FSHR: variants seen among roughly 807,000 people sequenced by gnomAD.
FSHR encodes the protein follicle-stimulating hormone receptor.
FSHR carries 46 observed loss-of-function variants against 52.1 expected under a neutral mutation model. That is an observed-to-expected ratio of 0.88 (90% confidence interval 0.70 to 1.13). The LOEUF is 1.13. FSHR is among the 50% of genes most tolerant of loss of function. FSHR has a pLI of 0.00. For missense variants in FSHR, 964 were observed against 834.6 expected, an observed-to-expected ratio of 1.16 and a Z score of -1.91; for synonymous variants, 399 against 309.6, an observed-to-expected ratio of 1.29 and a Z score of -3.03.
At chr2:49,034,159 G>T in intron 2 of FSHR, among the ~76,000 whole-genome samples, 1 of 152,192 alleles carries the variant, frequency 6.6e-6, no homozygotes, top group East Asian at 1.9e-4. Flanking sequence ...TACAGTGATT[G>T]ACTTTCTGCC....
At chr2:48,992,076 G>A (rs13032037) in intron 4 of FSHR, among the ~76,000 whole-genome samples, 83,628 of 151,494 alleles carry the variant, frequency 0.55, 24,610 homozygotes, top group Non-Finnish European at 0.66. Context: ...GCTGTCTTGG[G>A]CAATTCTCTT....
intron 1 of FSHR, among the ~76,000 whole-genome samples, chr2:49,119,593 T>G (rs987312201): frequency 5.9e-5 from 9 of 152,196 alleles, no homozygotes; most frequent in Non-Finnish European, 1.0e-4. Flanking sequence ...AAATCTGTTA[T>G]CACTGAATTA....
chr2:49,012,565 G>T (rs1279242300), intron 4 of FSHR, among the ~76,000 whole-genome samples: 1 of 152,058 alleles, frequency 6.6e-6, no homozygotes, highest in African/African-American at 2.4e-5. Context: ...TTAAGTACCC[G>T]TATGCAGAAA....
intron 4 of FSHR, among the ~76,000 whole-genome samples, chr2:49,007,984 G>C (rs1667127941): frequency 6.6e-6 from 1 of 151,496 alleles, no homozygotes; most frequent in East Asian, 1.9e-4. Context: ...TAATAAGAAT[G>C]GATAACATTT....
At chr2:49,115,336 G>T (rs1211494500) in intron 1 of FSHR, among the ~76,000 whole-genome samples, 1 of 151,990 alleles carries the variant, frequency 6.6e-6, no homozygotes, top group Non-Finnish European at 1.5e-5. Flanking sequence ...TCACACCAAG[G>T]TCAAGGTCAT....
intron 1 of FSHR, among the ~76,000 whole-genome samples, chr2:49,085,283 C>A (rs938880616): frequency 6.6e-6 from 1 of 152,214 alleles, no homozygotes; most frequent in Non-Finnish European, 1.5e-5. Context: ...AGGCCTTTGA[C>A]AAAATTCAAC....
chr2:49,048,110 T>C (rs1486725417), intron 2 of FSHR, among the ~76,000 whole-genome samples: 3 of 152,082 alleles, frequency 2.0e-5, no homozygotes, highest in African/African-American at 7.2e-5. Context: ...GGTCTCAAAC[T>C]CCTGACCTCA....
intron 2 of FSHR, among the ~76,000 whole-genome samples, chr2:49,027,484 G>A (rs1379345978): frequency 1.3e-5 from 2 of 152,194 alleles, no homozygotes; most frequent in Non-Finnish European, 2.9e-5. Flanking sequence ...GGTGCAGCTA[G>A]TCTTTGTGCT....
chr2:48,963,123 A>G lies in FSHR; in HGVS notation c.1698T>C (p.Ser566=), dbSNP rs1050610586. 5 of 1,613,994 alleles carry G rather than the reference A, an allele frequency of 3.1e-6. No individual in the cohort carries two copies. Among genetic ancestry groups the G allele is most frequent in the Non-Finnish European group, 4.2e-6 (5 of 1,180,022 alleles). The change falls in exon 10 of 10, where the codon AGT becomes AGC. Residue 566 remains serine (S), a synonymous_variant. Coordinates refer to ENST00000406846, the MANE Select transcript of FSHR (RefSeq NM_000145.4). ...VRNPNIVSSS[S]DTRIAKRMAM... is the part of the protein sequence containing the mutation. ...CCATGCGCTTGGCGATCCTGGTGTC[A>G]CTAGAGGAGGACACGATGTTGGGGT...
At chr2:49,009,634 C>T (rs1455322320) in intron 4 of FSHR, among the ~76,000 whole-genome samples, 5 of 149,512 alleles carry the variant, frequency 3.3e-5, no homozygotes, top group Non-Finnish European at 4.4e-5. Context: ...GCCATTTTCA[C>T]GATATTGATT....
chr2:49,014,016 G>C (rs1667393789), intron 4 of FSHR, among the ~76,000 whole-genome samples: 1 of 152,062 alleles, frequency 6.6e-6, no homozygotes, highest in South Asian at 2.1e-4. Flanking sequence ...ATGGCTGTCT[G>C]TAACCCAGGA....
intron 4 of FSHR, among the ~76,000 whole-genome samples, chr2:48,996,133 T>C (rs180994893): frequency 1.3e-5 from 2 of 152,298 alleles, no homozygotes; most frequent in Admixed American, 6.5e-5. Context: ...TTTCCTATGA[T>C]ATAGGATTTG....
intron 9 of FSHR, among the ~76,000 whole-genome samples, chr2:48,965,357 A>G (rs1389753440): frequency 6.6e-6 from 1 of 152,172 alleles, no homozygotes. Context: ...CTCTTGGCCT[A>G]AGGGATTCTT....
chr2:48,978,891 T>C (rs367872338), intron 8 of FSHR, among the ~76,000 whole-genome samples: 18 of 152,290 alleles, frequency 1.2e-4, no homozygotes, highest in Middle Eastern at 3.4e-3. Context: ...TCAGTTTGAG[T>C]GTGTGCCCCT....
intron 8 of FSHR, among the ~76,000 whole-genome samples, chr2:48,977,755 G>C (rs1276528145): frequency 6.6e-6 from 1 of 152,112 alleles, no homozygotes; most frequent in Non-Finnish European, 1.5e-5. Context: ...ACACACAGTA[G>C]GTGTTTAATC....
At chr2:49,062,402 C>T (rs182121673) in intron 2 of FSHR, among the ~76,000 whole-genome samples, 40 of 152,118 alleles carry the variant, frequency 2.6e-4, no homozygotes, top group Admixed American at 1.0e-3. Context: ...TCACCATATA[C>T]AAAAGTCAAC....
chr2:49,036,551 G>A (rs1668279012), intron 2 of FSHR, among the ~76,000 whole-genome samples: 1 of 152,008 alleles, frequency 6.6e-6, no homozygotes, highest in Non-Finnish European at 1.5e-5. Context: ...CACAGTCAGG[G>A]CTGCAGCTTT....
Position 49,022,333 on chromosome 2 carries a change from G to A in FSHR, c.225-2173C>T, listed in dbSNP as rs552931180. On this transcript the variant is annotated intron_variant, in intron 2 of 9. Transcript: ENST00000406846. ...AATTAGTGATTTCAGAAAGTAGTCC[G>A]TATTTGACGGTCTCAACTTCAAAGA... Among the ~76,000 whole-genome samples, 16 of 152,104 alleles carry A rather than the reference G, an allele frequency of 1.1e-4. 1 individual carries two copies. Among genetic ancestry groups the A allele is most frequent in the Non-Finnish European group, 1.8e-4 (12 of 68,024 alleles).
intron 8 of FSHR, among the ~76,000 whole-genome samples, chr2:48,971,114 G>A (rs1674722576): frequency 6.6e-6 from 1 of 152,146 alleles, no homozygotes; most frequent in Admixed American, 6.5e-5. Context: ...TTAGGATGAA[G>A]GACAAGTCAC....
Sources: gnomAD v4.1 joint callset for allele counts (sites outside exome capture counted in the v4.1 genomes callset) on GRCh38, gnomAD v4.1.1 for gene constraint, MANE v1.5 for transcripts, NCBI Gene and HGNC (gene_info 2026-07-23, HGNC 2026-07-21) for gene names.